Variants in DLGAP2 observed in about 807,000 individuals in gnomAD.
DLGAP2 encodes disks large-associated protein 2.
A neutral mutation model predicts 100.3 loss-of-function variants in DLGAP2; 26 were observed. The ratio of observed to expected loss-of-function variants is 0.26; its 90% CI spans 0.19 to 0.36. The LOEUF is 0.36. Among genes scored for constraint, DLGAP2 ranks in the 10% least tolerant of loss-of-function variants. DLGAP2 has a pLI of 1.00. For synonymous variants in DLGAP2, 886 were observed against 630.1 expected, an observed-to-expected ratio of 1.41 and a Z score of -6.08; for missense variants, 1,858 against 1,453.2, an observed-to-expected ratio of 1.28 and a Z score of -4.53.
chr8:1,565,241 CTT>C (rs1802349633), intron 5 of DLGAP2, among the ~76,000 whole-genome samples: 1 of 151,924 alleles, frequency 6.6e-6, no homozygotes, highest in South Asian at 2.1e-4. Flanking sequence ...AAACCGTCCT[CTT>C]TTATTTGCTT....
At chr8:1,561,048 TG>T (rs1178223589) in intron 5 of DLGAP2, among the ~76,000 whole-genome samples, 1 of 152,142 alleles carries the variant, frequency 6.6e-6, no homozygotes, top group Non-Finnish European at 1.5e-5. Context: ...GACTGAATCA[TG>T]GGGTGGGTCT....
chr8:1,038,902 A>C (rs1563158211), intron 2 of DLGAP2, among the ~76,000 whole-genome samples: 1 of 152,222 alleles, frequency 6.6e-6, no homozygotes, highest in Non-Finnish European at 1.5e-5. Flanking sequence ...ACTATTTGTC[A>C]GTTTCTCGGG....
chr8:1,254,904 T>TCTCTCCTGCCCGGGTGCTGTGTGTGTGCC (rs1799139218), intron 2 of DLGAP2, among the ~76,000 whole-genome samples: 1 of 134,316 alleles, frequency 7.4e-6, no homozygotes, highest in Non-Finnish European at 1.6e-5. Context: ...GTGTCTGTGC[T>TCTCTCCTGCCCGGGTGCTGTGTGTGTGCC]CTCTCCTGCC....
At chr8:745,794 G>A (rs560220536) in intron 1 of DLGAP2, among the ~76,000 whole-genome samples, 2 of 152,308 alleles carry the variant, frequency 1.3e-5, no homozygotes, top group South Asian at 4.1e-4. Context: ...ACCATATTAA[G>A]TAAAGAGAAC....
At chr8:1,078,075 C>G (rs1255576388) in intron 2 of DLGAP2, among the ~76,000 whole-genome samples, 2 of 152,148 alleles carry the variant, frequency 1.3e-5, no homozygotes, top group Non-Finnish European at 2.9e-5. Flanking sequence ...TGAGGGTTAC[C>G]TTCTGTCCCT....
chr8:1,005,844 G>A lies in DLGAP2; in HGVS notation c.73+97878G>A, dbSNP rs573299799. ...TTCAATGACCCAAATAATACCTTCA[G>A]GGAATGTGCTCCAGATGTCCCATGA... is the stretch of plus-strand genomic sequence containing the variant. On this transcript the variant is annotated intron_variant, in intron 2 of 14. Coordinates refer to ENST00000637795, the MANE Select transcript of DLGAP2 (RefSeq NM_001346810.2). 9.2e-5 allele frequency among the ~76,000 whole-genome samples: 14 copies of A among 152,200 alleles called. No individual in the cohort carries two copies. The South Asian group carries it at 2.9e-3, about 32-fold the overall frequency.
intron 2 of DLGAP2, among the ~76,000 whole-genome samples, chr8:1,012,155 G>A (rs776006243): frequency 2.6e-5 from 4 of 152,184 alleles, no homozygotes; most frequent in Non-Finnish European, 4.4e-5. Context: ...GCTAGGCTGT[G>A]TGATTTTCTC....
intron 11 of DLGAP2, among the ~76,000 whole-genome samples, chr8:1,676,955 C>A (rs1019463817): frequency 6.6e-6 from 1 of 152,180 alleles, no homozygotes; most frequent in African/African-American, 2.4e-5. Flanking sequence ...TGTCATGTTA[C>A]ACGTAAAACG....
At chr8:905,525 C>T (rs982524134) in intron 1 of DLGAP2, among the ~76,000 whole-genome samples, 9 of 152,072 alleles carry the variant, frequency 5.9e-5, no homozygotes, top group African/African-American at 1.7e-4. Context: ...TTGTGTCATG[C>T]GTGAGGTCTG....
intron 4 of DLGAP2, among the ~76,000 whole-genome samples, chr8:1,538,258 C>A (rs144577731): frequency 2.4e-4 from 37 of 152,312 alleles, no homozygotes; most frequent in African/African-American, 8.7e-4. Flanking sequence ...ATACACTTAA[C>A]TAATTAAAAT....
chr8:1,374,326 T>C (rs1051604365), intron 3 of DLGAP2, among the ~76,000 whole-genome samples: 1 of 151,762 alleles, frequency 6.6e-6, no homozygotes, highest in East Asian at 1.9e-4. Context: ...GGTGGTCCCA[T>C]GCAGCCCGCA....
At position 1,325,825 on chromosome 8, in the gene DLGAP2, G is replaced by GTT. The variant is rs372999593; in HGVS notation, c.106+66948_106+66949dup. ...AGTTGTCGTCAGCTCCTTTTGGATCGTTTTTTTGCAAGGACCGTCCATGGA... is the reference window on the plus strand; with the variant it reads ...AGTTGTCGTCAGCTCCTTTTGGATCGTTTTTTTTTGCAAGGACCGTCCATGGA... On this transcript the variant is annotated intron_variant, in intron 3 of 14. Transcript: ENST00000637795. Among the ~76,000 whole-genome samples, 274 of 152,180 alleles carry GTT rather than the reference G, an allele frequency of 1.8e-3. 2 individuals are homozygous for GTT. Among genetic ancestry groups the GTT allele is most frequent in the Middle Eastern group, 6.8e-3 (2 of 294 alleles).
intron 3 of DLGAP2, among the ~76,000 whole-genome samples, chr8:1,359,273 G>A (rs569283979): frequency 6.6e-6 from 1 of 152,342 alleles, no homozygotes; most frequent in South Asian, 2.1e-4. Flanking sequence ...CCTCCCTGCT[G>A]GGAAGACCCT....
chr8:971,773 C>T (rs899419177), intron 2 of DLGAP2, among the ~76,000 whole-genome samples: 3 of 152,166 alleles, frequency 2.0e-5, no homozygotes, highest in African/African-American at 7.2e-5. Context: ...TCAAGCCTCA[C>T]AGACTTGGGT....
At chr8:1,697,430 A>G in intron 14 of DLGAP2, 131 bp downstream of exon 14, 1 of 1,302,846 alleles carries the variant, frequency 7.7e-7, no homozygotes, top group Non-Finnish European at 1.1e-6. Context: ...ATTTCCCTCT[A>G]TGTATGTGTG....
At chr8:1,279,361 G>A (rs1022662359) in intron 3 of DLGAP2, among the ~76,000 whole-genome samples, 1 of 152,164 alleles carries the variant, frequency 6.6e-6, no homozygotes, top group African/African-American at 2.4e-5. Flanking sequence ...GGCACTTTAT[G>A]TAAATATGTG....
chr8:1,415,988 G>A (rs959332108), intron 3 of DLGAP2, among the ~76,000 whole-genome samples: 1 of 152,202 alleles, frequency 6.6e-6, no homozygotes, highest in African/African-American at 2.4e-5. Context: ...AATTGGGGGA[G>A]GGTGATGGGT....
chr8:1,461,037 G>A (rs529883166), intron 3 of DLGAP2, among the ~76,000 whole-genome samples: 69 of 152,188 alleles, frequency 4.5e-4, no homozygotes, highest in African/African-American at 1.5e-3. Flanking sequence ...GGGCACAGTC[G>A]CTGATTCAGT....
intron 2 of DLGAP2, among the ~76,000 whole-genome samples, chr8:1,006,020 C>G (rs932499422): frequency 1.9e-4 from 29 of 152,168 alleles, no homozygotes; most frequent in African/African-American, 7.0e-4. Context: ...GAAACCCTGT[C>G]TCTACTAAAA....
Sources: allele counts gnomAD v4.1 joint callset (sites outside exome capture counted in the v4.1 genomes callset), GRCh38; gene constraint gnomAD v4.1.1; transcripts MANE v1.5; gene names NCBI Gene and HGNC (gene_info 2026-07-23, HGNC 2026-07-21).